PTPRK: variants seen among roughly 807,000 people sequenced by gnomAD.
The protein encoded by PTPRK is receptor-type tyrosine-protein phosphatase kappa.
Under a neutral mutation model 178.0 loss-of-function variants are expected in PTPRK, and 75 were observed. That is an observed-to-expected ratio of 0.42 (90% CI 0.35 to 0.51). The LOEUF (loss-of-function observed/expected upper bound fraction) is 0.51. Among genes scored for constraint, PTPRK ranks in the 20% least tolerant of loss-of-function variants. PTPRK has a pLI of 0.02. For missense variants in PTPRK, 1,441 were observed against 1,797.8 expected (o/e 0.80, Z 3.59); for synonymous variants, 637 against 620.6 (o/e 1.03, Z -0.39).
intron 6 of PTPRK, among the ~76,000 whole-genome samples, chr6:128,192,935 A>T (rs975838169): frequency 4.7e-5 from 7 of 147,674 alleles, no homozygotes; most frequent in Non-Finnish European, 7.5e-5. Flanking sequence ...GGAGAGGGGG[A>T]AGGAGGGAAG....
intron 3 of PTPRK, among the ~76,000 whole-genome samples, chr6:128,275,099 AAC>A (rs1378058988): frequency 1.3e-5 from 2 of 152,068 alleles, no homozygotes; most frequent in Non-Finnish European, 2.9e-5. Context: ...AGCACTGTAC[AAC>A]ACACACTTTC....
chr6:128,015,944 G>C (rs528221292), intron 13 of PTPRK, among the ~76,000 whole-genome samples: 3 of 151,762 alleles, frequency 2.0e-5, no homozygotes, highest in Non-Finnish European at 4.4e-5. Flanking sequence ...CACTTCAGTA[G>C]TAGAAAATGA....
chr6:128,240,241 T>C, intron 4 of PTPRK, 91 bp from the exon 5 acceptor site: 1 of 975,886 alleles, frequency 1.0e-6, no homozygotes, highest in Non-Finnish European at 1.5e-6. Flanking sequence ...ATCATTAGTG[T>C]TTTTACCTTT....
chr6:128,147,628 G>A (rs1380339271), intron 7 of PTPRK, among the ~76,000 whole-genome samples: 1 of 152,088 alleles, frequency 6.6e-6, no homozygotes, highest in Non-Finnish European at 1.5e-5. Flanking sequence ...CCTATCAGCA[G>A]CATGTCATTG....
At chr6:128,186,053 T>C (rs1473889734) in intron 6 of PTPRK, among the ~76,000 whole-genome samples, 1 of 152,140 alleles carries the variant, frequency 6.6e-6, no homozygotes, top group Non-Finnish European at 1.5e-5. Flanking sequence ...TCTGTACAGC[T>C]ACACAGGCTA....
Position 128,350,263 on chromosome 6 carries a change from A to G in PTPRK, c.224-27953T>C, listed in dbSNP as rs191909979. Among the ~76,000 whole-genome samples, 164 of 152,310 alleles carry G rather than the reference A, an allele frequency of 1.1e-3. 1 individual carries two copies. The highest frequency in any genetic ancestry group is 3.6e-3 in the African/African-American group (149 of 41,572). On this transcript the variant is annotated intron_variant, in intron 2 of 29. Coordinates refer to ENST00000368226, the MANE Select transcript of PTPRK (RefSeq NM_002844.4). ...CAGCAAGGTAGAAAGTATTAAAGGTAGCAATCAGGGTCAGATATAAAAGTG... is the reference window on the plus strand; with the variant it reads ...CAGCAAGGTAGAAAGTATTAAAGGTGGCAATCAGGGTCAGATATAAAAGTG...
chr6:127,979,953 C>A (rs190528721), intron 25 of PTPRK, among the ~76,000 whole-genome samples: 1 of 152,062 alleles, frequency 6.6e-6, no homozygotes, highest in Non-Finnish European at 1.5e-5. Flanking sequence ...CCAAGGTGGG[C>A]GGATCATGAG....
At chr6:128,133,526 T>C (rs575593561) in intron 7 of PTPRK, among the ~76,000 whole-genome samples, 54 of 152,272 alleles carry the variant, frequency 3.5e-4, no homozygotes, top group Non-Finnish European at 7.1e-4. Flanking sequence ...TGATCAAAAT[T>C]ACATCTGAGC....
intron 7 of PTPRK, among the ~76,000 whole-genome samples, chr6:128,093,596 CAAAAAA>C (rs1172145765): frequency 1.6e-4 from 1 of 6,272 alleles, no homozygotes; most frequent in Non-Finnish European, 3.1e-4. Context: ...GACTCTCTCT[CAAAAAA>C]AAAAAAAAAA....
intron 21 of PTPRK, among the ~76,000 whole-genome samples, chr6:127,988,385 C>T (rs151179574): frequency 3.3e-5 from 5 of 149,342 alleles, no homozygotes; most frequent in African/African-American, 1.2e-4. Flanking sequence ...CTCACTGCAA[C>T]CTCTGCTTTC....
At chr6:128,466,535 T>C (rs1849861650) in intron 1 of PTPRK, among the ~76,000 whole-genome samples, 1 of 152,236 alleles carries the variant, frequency 6.6e-6, no homozygotes, top group Non-Finnish European at 1.5e-5. Context: ...GTCTTTGAAA[T>C]GTCAGAGTCT....
chr6:128,332,677 G>A (rs1426131317), intron 2 of PTPRK, among the ~76,000 whole-genome samples: 3 of 152,080 alleles, frequency 2.0e-5, no homozygotes, highest in Non-Finnish European at 2.9e-5. Context: ...CAACTTAATG[G>A]CACTTAACCT....
chr6:128,090,036 T>C lies in PTPRK; in HGVS notation c.1163-44A>G, dbSNP rs746636333. The C allele has an allele frequency of 3.5e-6, 5 of 1,434,092 alleles. No individual in the cohort carries two copies. In the South Asian group the frequency reaches 3.6e-5, roughly 10 times the overall value. The allele number at this position is 1,434,092 out of a possible 1,614,324, so 88.8% of individuals were successfully genotyped here. A position where few individuals can be genotyped will look rare whatever the true frequency, so the allele number is the denominator to read the frequency against. On this transcript the variant is annotated intron_variant, in intron 7 of 29. Coordinates refer to ENST00000368226, the MANE Select transcript of PTPRK (RefSeq NM_002844.4). ...TTGTAGACAGCTGTCTATTATATCA[T>C]GAATAATCCTGGAAAAATAAAACAC...
chr6:128,260,613 A>G (rs1021873857), intron 3 of PTPRK, among the ~76,000 whole-genome samples: 22 of 152,176 alleles, frequency 1.4e-4, no homozygotes, highest in African/African-American at 5.3e-4. Flanking sequence ...TGCTTGTATA[A>G]TGTCCATTTA....
At chr6:128,197,995 A>C (rs144814399) in intron 6 of PTPRK, among the ~76,000 whole-genome samples, 71 of 152,142 alleles carry the variant, frequency 4.7e-4, no homozygotes, top group South Asian at 1.3e-3. Flanking sequence ...ATCCCAATTC[A>C]AGTGCCAGAC....
At chr6:128,280,309 C>A (rs1273005451) in intron 3 of PTPRK, among the ~76,000 whole-genome samples, 1 of 152,134 alleles carries the variant, frequency 6.6e-6, no homozygotes, top group Non-Finnish European at 1.5e-5. Flanking sequence ...TGGCACTTAA[C>A]ACAATAATGA....
chr6:128,236,613 C>T (rs574967842), intron 5 of PTPRK, among the ~76,000 whole-genome samples: 4 of 152,222 alleles, frequency 2.6e-5, no homozygotes, highest in African/African-American at 9.6e-5. Context: ...TCCCAAAGTG[C>T]TGGGATTACA....
intron 1 of PTPRK, among the ~76,000 whole-genome samples, chr6:128,509,298 C>T (rs1856833940): frequency 6.6e-6 from 1 of 152,118 alleles, no homozygotes; most frequent in African/African-American, 2.4e-5. Context: ...TTTATACATA[C>T]ATAGGAAATA....
At chr6:128,209,278 A>T (rs1274206790) in intron 6 of PTPRK, among the ~76,000 whole-genome samples, 1 of 152,212 alleles carries the variant, frequency 6.6e-6, no homozygotes, top group Non-Finnish European at 1.5e-5. Flanking sequence ...TATATTTCTT[A>T]GTCTGGCACT....
Sources: gnomAD v4.1 joint callset for allele counts (sites outside exome capture counted in the v4.1 genomes callset) on GRCh38, gnomAD v4.1.1 for gene constraint, MANE v1.5 for transcripts, NCBI Gene and HGNC (gene_info 2026-07-23, HGNC 2026-07-21) for gene names.